Variants in RGS12 observed in about 807,000 individuals in gnomAD.
RGS12 encodes the protein regulator of G protein signaling 12, also known as regulator of G-protein signaling 12.
RGS12 carries 66 observed loss-of-function variants against 120.1 expected under a neutral mutation model. That is an observed-to-expected ratio of 0.55 (90% CI 0.45 to 0.67). RGS12 has a LOEUF of 0.67. Among genes scored for constraint, RGS12 ranks in the 30% least tolerant of loss-of-function variants. RGS12 has a pLI of 0.00. For missense variants in RGS12, 1,859 were observed against 1,957.7 expected (o/e 0.95, Z 0.95); for synonymous variants, 827 against 804.7 (o/e 1.03, Z -0.47).
At chr4:3,388,788 T>C (rs1348596556) in intron 4 of RGS12, among the ~76,000 whole-genome samples, 1 of 152,220 alleles carries the variant, frequency 6.6e-6, no homozygotes, top group African/African-American at 2.4e-5. Context: ...AGGGAAACTC[T>C]GGCTGTGTTT....
intron 2 of RGS12, among the ~76,000 whole-genome samples, chr4:3,342,135 G>A (rs762156710): frequency 1.3e-5 from 2 of 151,982 alleles, no homozygotes; most frequent in Non-Finnish European, 1.5e-5. Flanking sequence ...TCTTATGCAG[G>A]TGGAGAGACA....
At position 3,394,193 on chromosome 4, in the gene RGS12, C is replaced by T. The variant is rs1053541356; in HGVS notation, c.2020+7756C>T. 1.1e-4 allele frequency among the ~76,000 whole-genome samples: 17 copies of T among 151,946 alleles called. No individual in the cohort carries two copies. The East Asian group carries it at 2.7e-3, about 24-fold the overall frequency. On this transcript the variant is annotated intron_variant, in intron 4 of 17. Coordinates refer to ENST00000336727, the MANE Select transcript of RGS12 (RefSeq NM_001394154.1). ...TTTTTTCTTTTTTGAGACAGAGTCT[C>T]GCTCTGTCACCCAGGCTAGAGTACA...
At position 3,417,029 on chromosome 4, in the gene RGS12, C is replaced by T; in HGVS notation, c.2544C>T (p.Pro848=). The part of the protein sequence containing the change: ...GRALPDSQQV[P]SSPASKHSLG... ...CACTCCCGGACTCGCAGCAGGTCCC[C>T]AGCAGCCCGGCTTCCAAGCACAGCC... Residue 848 remains proline, a synonymous_variant, in exon 8 of 18, where the codon CCC becomes CCT. Coordinates refer to ENST00000336727, the MANE Select transcript of RGS12 (RefSeq NM_001394154.1). The T allele has an allele frequency of 6.2e-7, 1 of 1,613,282 alleles. No homozygotes were observed. Among genetic ancestry groups the T allele is most frequent in the Non-Finnish European group, 8.5e-7 (1 of 1,179,778 alleles).
In RGS12 at chr4:3,317,154, G is replaced by A. The variant is rs1417547154; in HGVS notation, c.984G>A (p.Glu328=). ...ATGACGACGGGAGCCTGGCCCAGGA[G>A]GAGGAGGGCGCCCTGCGGACTTCCT... ...QTNDDGSLAQ[E]EEGALRTSCH... The change falls in exon 2 of 18, where the codon GAG becomes GAA. Residue 328 remains glutamate, a synonymous_variant. Coordinates refer to ENST00000336727, the MANE Select transcript of RGS12 (RefSeq NM_001394154.1). 1.2e-6 allele frequency: 2 copies of A among 1,613,364 alleles called. No individual in the cohort carries two copies. The highest frequency in any genetic ancestry group is 4.5e-5 in the East Asian group (2 of 44,868).
chr4:3,333,150 C>T (rs1182016435), intron 2 of RGS12, among the ~76,000 whole-genome samples: 2 of 151,094 alleles, frequency 1.3e-5, no homozygotes, highest in African/African-American at 2.4e-5. Flanking sequence ...CCAGGGTTCA[C>T]GCCATTCTCC....
intron 12 of RGS12, 81 bp from the exon 13 acceptor site, chr4:3,423,434 G>A: frequency 6.4e-7 from 1 of 1,574,078 alleles, no homozygotes; most frequent in Non-Finnish European, 8.7e-7. Flanking sequence ...GCCTGGGGCT[G>A]TGCTGTAGTT....
the RGS12 span, among the ~76,000 whole-genome samples, chr4:3,286,504 T>G: frequency 1.3e-5 from 2 of 152,208 alleles, no homozygotes; most frequent in East Asian, 1.9e-4. Context: ...AACCCTGAGA[T>G]ATTAATCCAA....
the RGS12 span, among the ~76,000 whole-genome samples, chr4:3,285,939 C>G: frequency 2.0e-5 from 3 of 152,224 alleles, no homozygotes; most frequent in Admixed American, 6.5e-5. Flanking sequence ...AAATGTCCTG[C>G]AAACACCAGC....
At chr4:3,355,299 A>G (rs964370337) in intron 3 of RGS12, among the ~76,000 whole-genome samples, 1 of 152,232 alleles carries the variant, frequency 6.6e-6, no homozygotes, top group African/African-American at 2.4e-5. Flanking sequence ...AAGGATATCT[A>G]AACACTGTGT....
rs572547729 is a variant in RGS12 at position 3,365,888 on chromosome 4, T to G, written c.1999-20528T>G. Among the ~76,000 whole-genome samples, 298 of 152,268 alleles carry G rather than the reference T, an allele frequency of 2.0e-3. No homozygotes were observed. Among genetic ancestry groups the G allele is most frequent in the African/African-American group, 6.8e-3 (284 of 41,556 alleles). On this transcript the variant is annotated intron_variant, in intron 3 of 17. Coordinates refer to ENST00000336727, the MANE Select transcript of RGS12 (RefSeq NM_001394154.1). This position sits in a 1 kb window ranked among gnomAD's most constrained non-coding sequence, Gnocchi z 4.0. ...CTTCAGTGCTTCAGGGCCTTCTCAT[T>G]GAGTGAATGTTTGTTGAACACCTAC...
rs376722901 is a variant in RGS12, at chr4:3,317,458, C to A, written c.1288C>A (p.His430Asn). ...CAGTGACAGCGGCATTGGGAACTTC[C>A]ACCAGGAGGAGAAGAGCAACCGGGT... ...SNSDSGIGNF[H>N]QEEKSNRVLV... Residue 430 changes from histidine to asparagine, a missense_variant, in exon 2 of 18, where the codon CAC becomes AAC. By Grantham distance (68) the His-to-Asn change is moderately conservative (BLOSUM62 1). This residue lies in a region of RGS12 where 967 missense variants were observed against 994.2 expected (regional missense o/e 0.97). Coordinates refer to ENST00000336727, the MANE Select transcript of RGS12 (RefSeq NM_001394154.1). The A allele has an allele frequency of 3.1e-6, 5 of 1,613,930 alleles. No individual in the cohort carries two copies. The African/African-American group carries it at 6.7e-5, about 22-fold the overall frequency.
intron 14 of RGS12, among the ~76,000 whole-genome samples, chr4:3,427,556 T>C (rs1283865107): frequency 2.0e-5 from 3 of 152,144 alleles, no homozygotes; most frequent in Non-Finnish European, 2.9e-5. Flanking sequence ...GCCAGCATGG[T>C]GAAACCTCGT....
At chr4:3,432,367 C>A in intron 17 of RGS12, 1 of 204,418 alleles carries the variant, frequency 4.9e-6, no homozygotes, top group Non-Finnish European at 8.6e-6. Context: ...CCCAGCAGCA[C>A]AGCTGTGCGG....
At position 3,366,531 on chromosome 4, in the gene RGS12, G is replaced by C. The variant is rs914792763; in HGVS notation, c.1999-19885G>C. 2.6e-5 allele frequency among the ~76,000 whole-genome samples: 4 copies of C among 152,134 alleles called. No homozygotes were observed. The highest frequency in any genetic ancestry group is 4.4e-5 in the Non-Finnish European group (3 of 68,014). On this transcript the variant is annotated intron_variant, in intron 3 of 17. Coordinates refer to ENST00000336727, the MANE Select transcript of RGS12 (RefSeq NM_001394154.1). This position sits in a 1 kb window ranked among gnomAD's most constrained non-coding sequence, Gnocchi z 4.0. The stretch of plus-strand genomic sequence containing the variant: ...CTCCTAGCTGAGAGTGAGGTGGTCC[G>C]GCCCCGTGAAGGAGGCAGCAGGGCT...
Position 3,439,657 on chromosome 4 carries a change from C to G in RGS12, c.4317C>G (p.Thr1439=). ...CGGGTGAGCCTGCTAAGCCCAAGAC[C>G]AGCGCTCACCACGCCACCTTCGTCT... ...PVPGEPAKPK[T]SAHHATFV The change falls in exon 18 of 18, where the codon ACC becomes ACG. Residue 1439 remains threonine, a synonymous_variant. Transcript: ENST00000336727. The G allele has an allele frequency of 6.4e-7, 1 of 1,556,730 alleles. No homozygotes were observed. The highest frequency in any genetic ancestry group is 8.7e-7 in the Non-Finnish European group (1 of 1,151,666).
intron 2 of RGS12, among the ~76,000 whole-genome samples, chr4:3,339,070 C>T: frequency 6.6e-6 from 1 of 152,172 alleles, no homozygotes; most frequent in Non-Finnish European, 1.5e-5. Flanking sequence ...TTTCCTTTCT[C>T]CTTTACATCT....
intron 3 of RGS12, among the ~76,000 whole-genome samples, chr4:3,367,078 T>G (rs897755808): frequency 1.3e-5 from 2 of 152,168 alleles, no homozygotes; most frequent in Admixed American, 6.5e-5. Context: ...CTGCTCACCC[T>G]GGGTTTCCAG....
intron 3 of RGS12, among the ~76,000 whole-genome samples, chr4:3,371,968 T>C (rs950040415): frequency 3.3e-5 from 5 of 152,088 alleles, no homozygotes; most frequent in African/African-American, 4.8e-5. Context: ...GGATTTCCAC[T>C]TGGAGAGAAT....
intron 17 of RGS12, among the ~76,000 whole-genome samples, chr4:3,437,340 G>A (rs1724909600): frequency 6.6e-6 from 1 of 152,224 alleles, no homozygotes; most frequent in Non-Finnish European, 1.5e-5. Context: ...TCAGGGGCCT[G>A]TCCTCCCATC....
Sources: gnomAD v4.1 joint callset for allele counts (sites outside exome capture counted in the v4.1 genomes callset) on GRCh38, gnomAD v4.1.1 for gene constraint, gnomAD v4.1.1 regional missense constraint, Gnocchi (gnomAD v3.1) non-coding constraint, MANE v1.5 for transcripts, NCBI Gene and HGNC (gene_info 2026-07-23, HGNC 2026-07-21) for gene names.